Variants in KAT6A observed in about 807,000 individuals in gnomAD.
KAT6A encodes lysine acetyltransferase 6A, also known as histone acetyltransferase KAT6A.
Under a neutral mutation model 198.4 loss-of-function variants are expected in KAT6A, and 9 were observed. The observed-to-expected ratio is 0.05, with a 90% CI of 0.03 to 0.08. KAT6A has a LOEUF of 0.08. Among genes scored for constraint, KAT6A ranks in the 10% least tolerant of loss-of-function variants. KAT6A has a pLI of 1.00. For missense variants in KAT6A, 2,077 were observed against 2,509.9 expected (o/e 0.83, Z 3.69); for synonymous variants, 890 against 883.0 (o/e 1.01, Z -0.14).
In KAT6A at chr8:41,977,240, T is replaced by G; in HGVS notation, c.1131A>C (p.Ser377=). 6.2e-7 allele frequency: 1 copy of G among 1,614,216 alleles called. No homozygotes were observed. Among genetic ancestry groups the G allele is most frequent in the South Asian group, 1.1e-5 (1 of 91,088 alleles). Residue 377 remains serine, a synonymous_variant, in exon 7 of 17, where the codon TCA becomes TCC. Coordinates refer to ENST00000265713, the MANE Select transcript of KAT6A (RefSeq NM_006766.5). ...KITLSSQSAS[S]SSEEGYLERI... is the part of the protein sequence containing the mutation. ...GCTCTAAATATCCTTCTTCTGATGA[T>G]GATGATGCTGATTGGCTGGAAAGAG...
At chr8:41,972,032 G>A (rs1823819860) in intron 8 of KAT6A, among the ~76,000 whole-genome samples, 1 of 152,192 alleles carries the variant, frequency 6.6e-6, no homozygotes. Flanking sequence ...GCTGTGGCCA[G>A]AAGTAAATAA....
intron 2 of KAT6A, among the ~76,000 whole-genome samples, chr8:42,035,220 G>A (rs1253520899): frequency 6.6e-6 from 1 of 152,178 alleles, no homozygotes; most frequent in Non-Finnish European, 1.5e-5. Context: ...AGGTATGGAA[G>A]ATGACACCAA....
intron 11 of KAT6A, among the ~76,000 whole-genome samples, chr8:41,947,001 G>A (rs1822429014): frequency 6.6e-6 from 1 of 152,190 alleles, no homozygotes; most frequent in Non-Finnish European, 1.5e-5. Context: ...AATCCGTAAA[G>A]CTACAAATGA....
intron 1 of KAT6A, among the ~76,000 whole-genome samples, chr8:42,051,229 G>A (rs567953812): frequency 6.6e-6 from 1 of 152,086 alleles, no homozygotes; most frequent in East Asian, 1.9e-4. Context: ...GGGCCAAGCC[G>A]CGAGGTTGAC....
intron 2 of KAT6A, among the ~76,000 whole-genome samples, chr8:42,041,032 T>C (rs565576915): frequency 1.4e-3 from 207 of 151,332 alleles, no homozygotes; most frequent in Non-Finnish European, 2.0e-3. Flanking sequence ...CCATCTTTAC[T>C]AAAAATACAA....
chr8:42,028,325 G>T (rs1826941320), intron 2 of KAT6A, among the ~76,000 whole-genome samples: 2 of 152,182 alleles, frequency 1.3e-5, no homozygotes, highest in African/African-American at 4.8e-5. Flanking sequence ...TTCTGAGCGT[G>T]AAGTGTTGAA....
chr8:41,979,132 G>A (rs62510276), intron 5 of KAT6A, among the ~76,000 whole-genome samples: 31,804 of 151,740 alleles, frequency 0.21, 3,686 homozygotes, highest in Non-Finnish European at 0.24. Context: ...GCTGGGCATG[G>A]TGGTACGTGC....
At chr8:41,984,968 G>A (rs1316586799) in intron 3 of KAT6A, among the ~76,000 whole-genome samples, 1 of 149,892 alleles carries the variant, frequency 6.7e-6, no homozygotes, top group Non-Finnish European at 1.5e-5. Context: ...GGGCAACAGA[G>A]TGAGACTGTC....
chr8:42,028,426 G>A (rs529954711), intron 2 of KAT6A, among the ~76,000 whole-genome samples: 4 of 152,170 alleles, frequency 2.6e-5, no homozygotes, highest in South Asian at 2.1e-4. Context: ...TATTGGGTGC[G>A]TATATATTTA....
intron 10 of KAT6A, 94 bp from the exon 11 acceptor site, chr8:41,948,006 T>C: frequency 9.8e-7 from 1 of 1,024,522 alleles, no homozygotes; most frequent in Non-Finnish European, 1.4e-6. Context: ...ATATCCACAG[T>C]CCAGACTAGG....
chr8:41,969,492 T>C lies in KAT6A; in HGVS notation c.1482+5212A>G, dbSNP rs143532248. 2.3e-3 allele frequency among the ~76,000 whole-genome samples: 347 copies of C among 152,168 alleles called. 1 individual carries two copies. The highest frequency in any genetic ancestry group is 8.1e-3 in the African/African-American group (336 of 41,530). ...CTGCTGATTCCAACTCCAAAATATA[T>C]CTAAATCCATCCACTTCTCTCCCAT... On this transcript the variant is annotated intron_variant, in intron 8 of 16. Coordinates refer to ENST00000265713, the MANE Select transcript of KAT6A (RefSeq NM_006766.5).
Position 41,933,948 on chromosome 8 carries a change from A to T in KAT6A, c.4272T>A (p.Thr1424=). The part of the protein sequence containing the change: ...EIPHSELDLE[T]VQAVQSLTQE... ...GAGTCAAAGACTGCACTGCCTGTACAGTTTCCAGATCCAGCTCACTATGAG... is the reference window on the plus strand; with the variant it reads ...GAGTCAAAGACTGCACTGCCTGTACTGTTTCCAGATCCAGCTCACTATGAG... Residue 1424 remains threonine (T), a synonymous_variant, in exon 17 of 17, where the codon ACT becomes ACA. Coordinates refer to ENST00000265713, the MANE Select transcript of KAT6A (RefSeq NM_006766.5). This position sits in a 1 kb window ranked among gnomAD's most constrained non-coding sequence, Gnocchi z 6.2. 2 of 1,613,940 alleles carry T rather than the reference A, an allele frequency of 1.2e-6. No homozygotes were observed. Among genetic ancestry groups the T allele is most frequent in the Non-Finnish European group, 1.7e-6 (2 of 1,179,980 alleles).
intron 2 of KAT6A, among the ~76,000 whole-genome samples, chr8:42,031,228 A>G (rs901658370): frequency 6.6e-6 from 1 of 152,236 alleles, no homozygotes; most frequent in African/African-American, 2.4e-5. Context: ...AATTTTACAC[A>G]GTGATGAATA....
chr8:42,044,099 T>C (rs1827793081), intron 2 of KAT6A, among the ~76,000 whole-genome samples: 1 of 98,080 alleles, frequency 1.0e-5, no homozygotes, highest in African/African-American at 3.9e-5. Context: ...GGGTAAAAAC[T>C]TTTTTTTTTT....
At chr8:42,009,894 CAAAA>C (rs538642816) in intron 2 of KAT6A, among the ~76,000 whole-genome samples, 1 of 49,062 alleles carries the variant, frequency 2.0e-5, no homozygotes, top group Non-Finnish European at 4.1e-5. Context: ...AGCCCTGTCT[CAAAA>C]AAAAAAAAAA....
At chr8:42,003,445 CTT>C (rs35594171) in intron 2 of KAT6A, among the ~76,000 whole-genome samples, 73 of 142,770 alleles carry the variant, frequency 5.1e-4, no homozygotes, top group Non-Finnish European at 6.3e-4. Flanking sequence ...ATTCAAACCT[CTT>C]TTTTTTTTTT....
chr8:42,012,886 G>A (rs548213111), intron 2 of KAT6A, among the ~76,000 whole-genome samples: 1 of 152,208 alleles, frequency 6.6e-6, no homozygotes, highest in South Asian at 2.1e-4. Flanking sequence ...GCAACAAAAA[G>A]GAACAAACTA....
At chr8:41,973,576 G>A (rs1823907021) in intron 8 of KAT6A, among the ~76,000 whole-genome samples, 1 of 152,044 alleles carries the variant, frequency 6.6e-6, no homozygotes, top group African/African-American at 2.4e-5. Context: ...ACATTTGTTG[G>A]TGGCAAAGAA....
At chr8:42,003,851 A>G (rs1409007109) in intron 2 of KAT6A, among the ~76,000 whole-genome samples, 5 of 152,234 alleles carry the variant, frequency 3.3e-5, no homozygotes, top group Non-Finnish European at 1.5e-5. Context: ...CTCGCAGAGA[A>G]AAGCTCGTGT....
Sources: allele counts gnomAD v4.1 joint callset (sites outside exome capture counted in the v4.1 genomes callset), GRCh38; gene constraint gnomAD v4.1.1; non-coding constraint Gnocchi (gnomAD v3.1); transcripts MANE v1.5; gene names NCBI Gene and HGNC (gene_info 2026-07-23, HGNC 2026-07-21).